Variants in UNC5C observed in about 807,000 individuals in gnomAD.
UNC5C encodes the protein unc-5 netrin receptor C.
A neutral mutation model predicts 99.8 loss-of-function variants in UNC5C; 47 were observed. The ratio of observed to expected loss-of-function variants is 0.47; its 90% confidence interval spans 0.37 to 0.60. The LOEUF is 0.60. UNC5C is among the 20% of genes least tolerant of loss of function. UNC5C has a pLI of 0.00. For synonymous variants in UNC5C, 487 were observed against 452.2 expected, an observed-to-expected ratio of 1.08 and a Z score of -0.98; for missense variants, 1,062 against 1,165.9, an observed-to-expected ratio of 0.91 and a Z score of 1.30.
chr4:95,233,874 T>G (rs1739001621), intron 7 of UNC5C, among the ~76,000 whole-genome samples: 1 of 152,078 alleles, frequency 6.6e-6, no homozygotes. Context: ...GGCAGAAGGT[T>G]GCAGTGAGCC....
intron 1 of UNC5C, among the ~76,000 whole-genome samples, chr4:95,433,203 G>A (rs1412132228): frequency 6.6e-6 from 1 of 152,054 alleles, no homozygotes; most frequent in East Asian, 1.9e-4. Flanking sequence ...TCAAAGATTT[G>A]ATAGTTTAAG....
At chr4:95,357,903 A>ACAGTGT (rs1744265668) in intron 1 of UNC5C, among the ~76,000 whole-genome samples, 1 of 152,166 alleles carries the variant, frequency 6.6e-6, no homozygotes, top group Admixed American at 6.5e-5. Context: ...TGAATCACAT[A>ACAGTGT]CAGTGTTCAA....
intron 7 of UNC5C, among the ~76,000 whole-genome samples, chr4:95,228,711 G>A (rs1738786929): frequency 6.6e-6 from 1 of 152,220 alleles, no homozygotes; most frequent in Non-Finnish European, 1.5e-5. Context: ...AGAGGGCTTG[G>A]TAGGCACCTG....
At chr4:95,248,028 T>C (rs17023352) in intron 5 of UNC5C, 7,604 of 152,842 alleles carry the variant, frequency 0.05, 212 homozygotes, top group South Asian at 0.11. Context: ...ACTAGGAAAT[T>C]AAACCTCAGG....
At chr4:95,502,372 G>A (rs770507564) in intron 1 of UNC5C, among the ~76,000 whole-genome samples, 2 of 151,984 alleles carry the variant, frequency 1.3e-5, no homozygotes, top group Non-Finnish European at 2.9e-5. Context: ...GGGTTCAATC[G>A]ATCCTCCCCT....
At chr4:95,179,487 C>A (rs369410662) in intron 14 of UNC5C, among the ~76,000 whole-genome samples, 1 of 152,082 alleles carries the variant, frequency 6.6e-6, no homozygotes, top group Non-Finnish European at 1.5e-5. Flanking sequence ...TGGCTCACGC[C>A]TATAATCCCA....
intron 1 of UNC5C, among the ~76,000 whole-genome samples, chr4:95,509,905 G>A (rs1722023545): frequency 6.6e-6 from 1 of 151,862 alleles, no homozygotes; most frequent in South Asian, 2.1e-4. Flanking sequence ...CAAAAGAAGA[G>A]TGCGTTTGCG....
chr4:95,512,921 C>T (rs561450312), intron 1 of UNC5C, among the ~76,000 whole-genome samples: 124 of 152,108 alleles, frequency 8.2e-4, no homozygotes, highest in African/African-American at 2.9e-3. Flanking sequence ...TTTAAGGACA[C>T]AAAAATACTT....
chr4:95,528,565 G>T (rs578054450), intron 1 of UNC5C, among the ~76,000 whole-genome samples: 25 of 152,294 alleles, frequency 1.6e-4, no homozygotes, highest in African/African-American at 6.0e-4. Flanking sequence ...CTCAAACTCT[G>T]TTGCTGAGAG....
chr4:95,237,816 G>A (rs1314847419), intron 7 of UNC5C, among the ~76,000 whole-genome samples: 3 of 152,058 alleles, frequency 2.0e-5, no homozygotes, highest in African/African-American at 4.8e-5. Context: ...AAGCCGACGC[G>A]GCAGATGACG....
chr4:95,310,788 G>A (rs1396780513), intron 2 of UNC5C, among the ~76,000 whole-genome samples: 1 of 151,948 alleles, frequency 6.6e-6, no homozygotes, highest in Non-Finnish European at 1.5e-5. Flanking sequence ...AATATTCACT[G>A]GATTGTGTAA....
chr4:95,371,904 C>T (rs1744759826), intron 1 of UNC5C, among the ~76,000 whole-genome samples: 1 of 152,094 alleles, frequency 6.6e-6, no homozygotes, highest in South Asian at 2.1e-4. Flanking sequence ...AAACCATGTT[C>T]TGCATTTCTT....
chr4:95,468,594 A>AT (rs1747870849), intron 1 of UNC5C, among the ~76,000 whole-genome samples: 1 of 151,998 alleles, frequency 6.6e-6, no homozygotes, highest in Non-Finnish European at 1.5e-5. Context: ...GGCTCTCAGG[A>AT]TTTTTTCTAT....
intron 1 of UNC5C, among the ~76,000 whole-genome samples, chr4:95,487,303 T>C (rs769211683): frequency 2.0e-5 from 3 of 151,750 alleles, no homozygotes; most frequent in Non-Finnish European, 4.4e-5. Flanking sequence ...AGTGCATAAA[T>C]AGTTATCTCT....
intron 1 of UNC5C, among the ~76,000 whole-genome samples, chr4:95,533,225 G>A (rs939091142): frequency 1.3e-5 from 2 of 151,726 alleles, no homozygotes; most frequent in African/African-American, 2.4e-5. Context: ...GTAAAACCCC[G>A]TCTCTACTAA....
Position 95,335,488 on chromosome 4 carries a change from G to T in UNC5C, c.268C>A (p.Gln90Lys). The T allele has an allele frequency of 1.9e-6, 3 of 1,612,442 alleles. No homozygotes were observed. Among genetic ancestry groups the T allele is most frequent in the Non-Finnish European group, 2.5e-6 (3 of 1,178,944 alleles). Residue 90 changes from glutamine (Q) to lysine (K), a missense_variant, in exon 2 of 16, where the codon CAG becomes AAG. Physicochemically the swap from Gln to Lys is moderately conservative, Grantham distance 53. Transcript: ENST00000453304. Reference protein sequence around the residue: ...NLYCKASPATQIYFKCNSEWV... With the variant: ...NLYCKASPATKIYFKCNSEWV... ...TCACTATTACACTTGAAATAGATCT[G>T]GGTGGCAGGGCTTGCTTTACAGTAC...
intron 1 of UNC5C, among the ~76,000 whole-genome samples, chr4:95,445,449 A>G (rs79376487): frequency 0.054 from 8,189 of 152,166 alleles, 249 homozygotes; most frequent in African/African-American, 0.091. Context: ...TCCGCTCTTG[A>G]TAACAACAGT....
chr4:95,247,232 T>G (rs1410695934), intron 5 of UNC5C, among the ~76,000 whole-genome samples: 1 of 152,220 alleles, frequency 6.6e-6, no homozygotes, highest in South Asian at 2.1e-4. Context: ...TATAAAACAG[T>G]TGCTAAATAT....
chr4:95,268,179 A>G (rs1452523128), intron 4 of UNC5C, among the ~76,000 whole-genome samples: 1 of 151,394 alleles, frequency 6.6e-6, no homozygotes. Flanking sequence ...TGACCTCGTG[A>G]TCCACCCGCT....
Sources: gnomAD v4.1 joint callset for allele counts (sites outside exome capture counted in the v4.1 genomes callset) on GRCh38, gnomAD v4.1.1 for gene constraint, MANE v1.5 for transcripts, NCBI Gene and HGNC (gene_info 2026-07-23, HGNC 2026-07-21) for gene names.